The following HPD variants were observed in gnomAD, a reference collection of about 807,000 sequenced individuals.
HPD encodes the protein 4-hydroxyphenylpyruvic acid oxidase.
A neutral mutation model predicts 56.9 loss-of-function variants in HPD; 35 were observed. The observed-to-expected ratio is 0.62, with a 90% confidence interval of 0.47 to 0.82. The LOEUF (loss-of-function observed/expected upper bound fraction) is 0.82, where lower values mean the gene tolerates loss of function less well. HPD is among the 40% of genes least tolerant of loss of function. The pLI is 0.00. For missense variants in HPD, 442 were observed against 506.8 expected, an observed-to-expected ratio of 0.87 and a Z score of 1.23; for synonymous variants, 186 against 200.2, an observed-to-expected ratio of 0.93 and a Z score of 0.60.
chr12:121,885,134 AC>A, the HPD span, among the ~76,000 whole-genome samples: 2 of 150,180 alleles, frequency 1.3e-5, no homozygotes, highest in Admixed American at 6.7e-5. Flanking sequence ...CAAGTGATCC[AC>A]CCCCCTCAGC....
At chr12:121,863,352 G>T (rs892356789), upstream of HPD, among the ~76,000 whole-genome samples, 3 of 152,314 alleles carry the variant, frequency 2.0e-5, no homozygotes, top group East Asian at 5.8e-4. Context: ...AGCCGAGAGA[G>T]GGTACATCAC....
the HPD span, among the ~76,000 whole-genome samples, chr12:121,872,077 A>C: frequency 7.6e-5 from 1 of 13,202 alleles, no homozygotes; most frequent in African/African-American, 1.1e-4. Flanking sequence ...CTAAAAATAC[A>C]AAAAAAAAAA....
At chr12:121,886,190 G>A in the HPD span, among the ~76,000 whole-genome samples, 2 of 149,042 alleles carry the variant, frequency 1.3e-5, no homozygotes, top group East Asian at 4.1e-4. Flanking sequence ...CTCACTGCAA[G>A]CTCTGTCTCC....
Position 121,849,714 on chromosome 12 carries a change from G to T in HPD, c.491C>A (p.Ala164Glu), listed in dbSNP as rs1391457977. 2 of 1,613,274 alleles carry T rather than the reference G, an allele frequency of 1.2e-6. No individual in the cohort carries two copies. Among genetic ancestry groups the T allele is most frequent in the South Asian group, 1.1e-5 (1 of 91,064 alleles). Residue 164 changes from alanine (A) to glutamate (E), a missense_variant, in exon 8 of 14, where the codon GCG becomes GAG. Transcript: ENST00000289004. ...TTTAGGAAGTAGGGGGTCCATGAAC[G>T]CTGGGGCCTCATATCCAGGCAAGAA... ...GQFLPGYEAP[A>E]FMDPLLPKLP...
Position 121,839,624 on chromosome 12 carries a change from C to T in HPD, c.*104G>A. 1.2e-6 allele frequency: 1 copy of T among 863,380 alleles called. No homozygotes were observed. The highest frequency in any genetic ancestry group is 1.9e-5 in the Admixed American group (1 of 51,398). 53.5% of individuals were successfully genotyped at this position (863,380 alleles called of 1,614,324 possible). A position where few individuals can be genotyped will look rare whatever the true frequency, so the allele number is the denominator to read the frequency against. ...GGCGGAGCCTTGGGGGCCGAGTCCG[C>T]TGGTGGGCGGGACCCAAGGGGAGCA... On this transcript the variant is annotated 3_prime_UTR_variant, in exon 14 of 14. Coordinates refer to ENST00000289004, the MANE Select transcript of HPD (RefSeq NM_002150.3).
chr12:121,887,558 G>A, the HPD span, among the ~76,000 whole-genome samples: 1 of 151,820 alleles, frequency 6.6e-6, no homozygotes, highest in East Asian at 1.9e-4. Flanking sequence ...TTTTGGTAGA[G>A]ACAGGGTTTC....
intron 9 of HPD, among the ~76,000 whole-genome samples, chr12:121,848,031 A>G (rs555856607): frequency 2.0e-4 from 30 of 152,140 alleles, no homozygotes; most frequent in Non-Finnish European, 3.8e-4. Context: ...TACATACAGG[A>G]CGGCAAGGCT....
chr12:121,840,403 C>A (rs542199523), intron 12 of HPD, among the ~76,000 whole-genome samples: 8 of 152,236 alleles, frequency 5.3e-5, no homozygotes, highest in Admixed American at 2.6e-4. Context: ...CGGGTTCAAG[C>A]GATTCTCCTG....
chr12:121,877,902 T>A, the HPD span, among the ~76,000 whole-genome samples: 1 of 152,092 alleles, frequency 6.6e-6, no homozygotes, highest in Non-Finnish European at 1.5e-5. Context: ...CAATGTGAAT[T>A]TTTATGTGAA....
upstream of HPD, among the ~76,000 whole-genome samples, chr12:121,861,817 C>T (rs565676818): frequency 9.1e-4 from 138 of 152,216 alleles, 2 homozygotes; most frequent in Middle Eastern, 3.4e-3. Flanking sequence ...CTCTTAGCCT[C>T]GAGACAAACA....
the HPD span, among the ~76,000 whole-genome samples, chr12:121,869,805 G>A: frequency 6.6e-6 from 1 of 152,126 alleles, no homozygotes; most frequent in Non-Finnish European, 1.5e-5. Flanking sequence ...AATTACTGGC[G>A]TGAGCCACCA....
chr12:121,880,958 C>T, the HPD span, among the ~76,000 whole-genome samples: 6 of 152,126 alleles, frequency 3.9e-5, no homozygotes, highest in African/African-American at 1.4e-4. Flanking sequence ...CCACGCCAGG[C>T]TAATTTTTTG....
In HPD at chr12:121,839,852, G is replaced by C; in HGVS notation, c.1072-14C>G. ...GGCTCCAAAACCCTGTGGCGGGAAA[G>C]AGAGGAGATGAGCCAAGGACCCAGA... is the stretch of plus-strand genomic sequence containing the variant. On this transcript the variant is annotated splice_polypyrimidine_tract_variant and intron_variant, in intron 13 of 13. Transcript: ENST00000289004. 1 of 1,612,610 alleles carries C rather than the reference G, an allele frequency of 6.2e-7. No homozygotes were observed. Among genetic ancestry groups the C allele is most frequent in the Non-Finnish European group, 8.5e-7 (1 of 1,178,564 alleles).
At chr12:121,858,620 A>G in intron 2 of HPD, 67 bp downstream of exon 2, 2 of 1,452,504 alleles carry the variant, frequency 1.4e-6, no homozygotes, top group South Asian at 1.1e-5. Flanking sequence ...CTGAAACCCC[A>G]GTCTCCCTGC....
chr12:121,865,132 A>G (rs1172690556), upstream of HPD, among the ~76,000 whole-genome samples: 1 of 151,696 alleles, frequency 6.6e-6, no homozygotes. Context: ...GCTGGGCATG[A>G]TGGCGGGCAC....
the HPD span, among the ~76,000 whole-genome samples, chr12:121,881,217 AT>A: frequency 1.3e-5 from 2 of 152,204 alleles, no homozygotes; most frequent in African/African-American, 4.8e-5. Flanking sequence ...ACTTTACTGA[AT>A]AAAAATAGGA....
upstream of HPD, among the ~76,000 whole-genome samples, chr12:121,864,292 C>A (rs1878263603): frequency 6.6e-6 from 1 of 151,792 alleles, no homozygotes; most frequent in Non-Finnish European, 1.5e-5. Flanking sequence ...GTGGCTCATA[C>A]CTGTAATCCC....
Position 121,847,208 on chromosome 12 carries a change from C to A in HPD, c.603G>T (p.Leu201=). 6.2e-7 allele frequency: 1 copy of A among 1,614,138 alleles called. No homozygotes were observed. The highest frequency in any genetic ancestry group is 8.5e-7 in the Non-Finnish European group (1 of 1,180,006). ...QEMVSASEWY[L]KNLQFHRFWS... Reference sequence around the variant, plus strand: ...AGAAGCGGTGGAACTGCAGGTTTTTCAGGTACCTGTAGGGTGGGCGGTGGA... The same window carrying A: ...AGAAGCGGTGGAACTGCAGGTTTTTAAGGTACCTGTAGGGTGGGCGGTGGA... Residue 201 remains leucine (L), a synonymous_variant, in exon 10 of 14, where the codon CTG becomes CTT. Coordinates refer to ENST00000289004, the MANE Select transcript of HPD (RefSeq NM_002150.3).
At chr12:121,873,737 G>A in the HPD span, among the ~76,000 whole-genome samples, 4 of 151,874 alleles carry the variant, frequency 2.6e-5, no homozygotes, top group African/African-American at 7.3e-5. Flanking sequence ...GGAGAATGGC[G>A]TGAACCCGGG....
Sources: gnomAD v4.1 joint callset for allele counts (sites outside exome capture counted in the v4.1 genomes callset) on GRCh38, gnomAD v4.1.1 for gene constraint, MANE v1.5 for transcripts, NCBI Gene and HGNC (gene_info 2026-07-23, HGNC 2026-07-21) for gene names.